The following TENM4 variants were observed in gnomAD, a reference collection of about 807,000 sequenced individuals.
TENM4 encodes teneurin transmembrane protein 4, also known as teneurin-4.
TENM4 carries 82 observed loss-of-function variants against 243.3 expected under a neutral mutation model. The observed-to-expected ratio is 0.34, with a 90% CI of 0.28 to 0.40. The LOEUF (loss-of-function observed/expected upper bound fraction) is 0.40. Ranked by LOEUF, TENM4 falls within the 10% of genes least tolerant of loss-of-function variation. The probability of loss-of-function intolerance (pLI) is 1.00; values close to 1 mark genes in which losing one functional copy is unlikely to be tolerated. For synonymous variants in TENM4, 1,412 were observed against 1,456.3 expected (o/e 0.97, Z 0.69); for missense variants, 3,138 against 3,673.3 (o/e 0.85, Z 3.77).
chr11:78,856,830 A>T (rs1858692483), intron 10 of TENM4, among the ~76,000 whole-genome samples: 1 of 152,122 alleles, frequency 6.6e-6, no homozygotes, highest in African/African-American at 2.4e-5. Flanking sequence ...TAAATATAAT[A>T]TCTGTGCTAA....
intron 1 of TENM4, among the ~76,000 whole-genome samples, chr11:79,305,233 A>C (rs1001871924): frequency 1.9e-4 from 29 of 152,238 alleles, no homozygotes; most frequent in Non-Finnish European, 4.1e-4. Context: ...AACTCCTCTG[A>C]GCATCAGCTT....
intron 1 of TENM4, among the ~76,000 whole-genome samples, chr11:79,307,892 C>G (rs921337556): frequency 6.6e-6 from 1 of 152,230 alleles, no homozygotes; most frequent in Admixed American, 6.5e-5. Flanking sequence ...TGGGAGACCT[C>G]AACTTGGAGC....
chr11:79,050,124 T>A (rs919899394), intron 6 of TENM4, among the ~76,000 whole-genome samples: 4 of 152,172 alleles, frequency 2.6e-5, no homozygotes, highest in Non-Finnish European at 4.4e-5. Context: ...ACTGGGGAGA[T>A]GATGTCATGA....
chr11:78,922,220 G>A (rs972000899), intron 6 of TENM4, among the ~76,000 whole-genome samples: 2 of 152,202 alleles, frequency 1.3e-5, no homozygotes, highest in Non-Finnish European at 2.9e-5. Context: ...TTAAATGATA[G>A]GGACAAGGTA....
intron 4 of TENM4, among the ~76,000 whole-genome samples, chr11:79,114,450 G>A (rs1308461936): frequency 1.3e-5 from 2 of 152,208 alleles, no homozygotes; most frequent in Non-Finnish European, 2.9e-5. Flanking sequence ...AGGAAACAGT[G>A]AAACTGTAAA....
chr11:78,895,861 C>A (rs1270715023), intron 7 of TENM4, among the ~76,000 whole-genome samples: 3 of 152,212 alleles, frequency 2.0e-5, no homozygotes, highest in Admixed American at 1.3e-4. Context: ...CAGCCCTGAG[C>A]TGCCTCTCAG....
At chr11:78,807,854 A>G (rs1182288079) in intron 14 of TENM4, among the ~76,000 whole-genome samples, 1 of 152,194 alleles carries the variant, frequency 6.6e-6, no homozygotes, top group East Asian at 1.9e-4. Context: ...TTCTAGGTCC[A>G]TGGTCCAATT....
At chr11:79,193,499 C>T (rs1029820900) in intron 3 of TENM4, among the ~76,000 whole-genome samples, 20 of 152,264 alleles carry the variant, frequency 1.3e-4, no homozygotes, top group Admixed American at 1.3e-3. Context: ...AGCTTGTGGC[C>T]CGGCCGGTCA....
intron 23 of TENM4, among the ~76,000 whole-genome samples, chr11:78,724,690 C>T (rs987080675): frequency 2.0e-5 from 3 of 152,210 alleles, no homozygotes; most frequent in Non-Finnish European, 2.9e-5. Flanking sequence ...TAGCTGGGCA[C>T]GTGACTGCCT....
intron 2 of TENM4, among the ~76,000 whole-genome samples, chr11:79,259,005 G>A (rs114831985): frequency 1.5e-3 from 226 of 152,322 alleles, no homozygotes; most frequent in African/African-American, 5.1e-3. Flanking sequence ...TTCCAAAATA[G>A]TGAAGATCAC....
chr11:79,418,796 G>A (rs528849241), intron 1 of TENM4, among the ~76,000 whole-genome samples: 54 of 152,320 alleles, frequency 3.5e-4, no homozygotes, highest in African/African-American at 1.1e-3. Context: ...ACGTGGCTGT[G>A]TCTTCCAACA....
At chr11:78,711,442 T>C (rs2135801381) in intron 26 of TENM4, among the ~76,000 whole-genome samples, 1 of 152,326 alleles carries the variant, frequency 6.6e-6, no homozygotes, top group South Asian at 2.1e-4. Context: ...CACTCAGCTG[T>C]AGATGACAAA....
chr11:79,015,778 G>C (rs1858759279), intron 6 of TENM4, among the ~76,000 whole-genome samples: 1 of 152,158 alleles, frequency 6.6e-6, no homozygotes, highest in Non-Finnish European at 1.5e-5. Context: ...TGAAGAGATA[G>C]ACAATAAACA....
chr11:78,809,677 G>C (rs572372221), intron 14 of TENM4, among the ~76,000 whole-genome samples: 1 of 152,344 alleles, frequency 6.6e-6, no homozygotes, highest in Non-Finnish European at 1.5e-5. Flanking sequence ...TAGGAGCAAT[G>C]GTCAGGGAGG....
At position 78,782,772 on chromosome 11, in the gene TENM4, T is replaced by TTA. The variant is rs528838224; in HGVS notation, c.2365+4125_2365+4126insTA. ...CAGAGTGAGACTCTGTCTTTTTTTTTAAAAAAAAAAAAACTGGACAAAGCA... is the reference window on the plus strand; with the variant it reads ...CAGAGTGAGACTCTGTCTTTTTTTTTTAAAAAAAAAAAAAACTGGACAAAGCA... On this transcript the variant is annotated intron_variant, in intron 16 of 33. Transcript: ENST00000278550. Among the ~76,000 whole-genome samples the TTA allele has an allele frequency of 6.0e-4, 88 of 146,874 alleles. 1 individual carries two copies. The highest frequency in any genetic ancestry group is 3.2e-3 in the South Asian group (15 of 4,616).
intron 4 of TENM4, among the ~76,000 whole-genome samples, chr11:79,137,300 G>C (rs1302098211): frequency 6.6e-6 from 1 of 152,158 alleles, no homozygotes; most frequent in Non-Finnish European, 1.5e-5. Flanking sequence ...GGATTATCAA[G>C]ATGAAATCAG....
At chr11:79,334,886 C>T (rs1216888880) in intron 1 of TENM4, among the ~76,000 whole-genome samples, 1 of 152,084 alleles carries the variant, frequency 6.6e-6, no homozygotes, top group Admixed American at 6.5e-5. Flanking sequence ...TTGGATTAGT[C>T]AGTGATGTCA....
intron 16 of TENM4, among the ~76,000 whole-genome samples, chr11:78,779,665 AGT>A (rs1856804670): frequency 6.6e-6 from 1 of 152,026 alleles, no homozygotes; most frequent in Non-Finnish European, 1.5e-5. Context: ...ACCTCCTACT[AGT>A]GTGTTCTGCA....
At chr11:79,434,689 T>C (rs1859234605) in intron 1 of TENM4, among the ~76,000 whole-genome samples, 1 of 152,200 alleles carries the variant, frequency 6.6e-6, no homozygotes, top group Admixed American at 6.5e-5. Flanking sequence ...TTCTACCACC[T>C]GGGCTTCCAA....
Sources: gnomAD v4.1 joint callset for allele counts (sites outside exome capture counted in the v4.1 genomes callset) on GRCh38, gnomAD v4.1.1 for gene constraint, MANE v1.5 for transcripts, NCBI Gene and HGNC (gene_info 2026-07-23, HGNC 2026-07-21) for gene names.